Variants in HIVEP1 observed in about 807,000 individuals in gnomAD.
The protein encoded by HIVEP1 is zinc finger protein 40.
HIVEP1 carries 36 observed loss-of-function variants against 180.0 expected under a neutral mutation model. The ratio of observed to expected loss-of-function variants is 0.20; its 90% CI spans 0.15 to 0.26. The LOEUF (loss-of-function observed/expected upper bound fraction) is 0.26, where lower values mean the gene tolerates loss of function less well. Among genes scored for constraint, HIVEP1 ranks in the 10% least tolerant of loss-of-function variants. The pLI, the probability that HIVEP1 is intolerant of heterozygous loss-of-function variation, is 1.00. For missense variants in HIVEP1, 3,143 were observed against 3,268.7 expected (o/e 0.96, Z 0.94); for synonymous variants, 1,239 against 1,239.0 (o/e 1.00, Z 0.00).
intron 2 of HIVEP1, among the ~76,000 whole-genome samples, chr6:12,041,861 G>A (rs546617883): frequency 1.4e-4 from 21 of 151,648 alleles, no homozygotes; most frequent in Admixed American, 2.6e-4. Context: ...GGTTTTCACC[G>A]TGTTAGCTAG....
intron 2 of HIVEP1, among the ~76,000 whole-genome samples, chr6:12,037,209 CT>C (rs1769332906): frequency 6.6e-6 from 1 of 152,108 alleles, no homozygotes; most frequent in Non-Finnish European, 1.5e-5. Flanking sequence ...AGAGGAGTGC[CT>C]CATTTTCACT....
chr6:12,134,238 G>T (rs1247271132), intron 6 of HIVEP1, among the ~76,000 whole-genome samples: 1 of 151,782 alleles, frequency 6.6e-6, no homozygotes, highest in Admixed American at 6.6e-5. Flanking sequence ...ATTTTTTTCA[G>T]TATATTTAAT....
intron 7 of HIVEP1, among the ~76,000 whole-genome samples, chr6:12,142,859 T>C (rs568965239): frequency 3.8e-4 from 58 of 152,118 alleles, no homozygotes; most frequent in Non-Finnish European, 6.8e-4. Flanking sequence ...CTGAATAGAC[T>C]AATAACAGGC....
At chr6:12,155,308 C>T (rs903817017) in intron 7 of HIVEP1, among the ~76,000 whole-genome samples, 5 of 152,122 alleles carry the variant, frequency 3.3e-5, no homozygotes, top group Non-Finnish European at 2.9e-5. Flanking sequence ...GCAGGTTTGT[C>T]GCACAGGTAA....
In HIVEP1 at chr6:12,141,691, C is replaced by CAAAAAAAAAAAAAAAAAA. The variant is rs60419579; in HGVS notation, c.6487+5811_6487+5828dup. Among the ~76,000 whole-genome samples, 9 of 19,238 alleles carry CAAAAAAAAAAAAAAAAAA rather than the reference C, an allele frequency of 4.7e-4. 1 individual carries two copies. The highest frequency in any genetic ancestry group is 1.2e-3 in the Non-Finnish European group (8 of 6,442). The allele number at this position is 19,238 out of a possible 152,430, so 12.6% of individuals were successfully genotyped here. On this transcript the variant is annotated intron_variant, in intron 7 of 8. Transcript: ENST00000379388. ...GAAGATCTACCAAGCAAATGGAAAG[C>CAAAAAAAAAAAAAAAAAA]AAAAAAAAAAAAAAAAAAAAAAAAA...
intron 2 of HIVEP1, chr6:12,020,375 A>G (rs1581506334): frequency 2.1e-6 from 1 of 471,128 alleles, no homozygotes; most frequent in Non-Finnish European, 4.4e-6. Context: ...TTCCGTGGAG[A>G]AGGGTCACTG....
rs368360125 is a variant in HIVEP1 at position 12,061,551 on chromosome 6, A to C, written c.41-27633A>C. On this transcript the variant is annotated intron_variant, in intron 2 of 8. Transcript: ENST00000379388. ...TTTTCTGCATAAAATGTAGAAGAAA[A>C]TCACTTGCATGTTTTGTAGATAAAA... is the stretch of plus-strand genomic sequence containing the variant. Among the ~76,000 whole-genome samples the C allele has an allele frequency of 3.9e-5, 6 of 152,340 alleles. 1 individual carries two copies. Among genetic ancestry groups the C allele is most frequent in the African/African-American group, 1.4e-4 (6 of 41,600 alleles).
At chr6:12,195,565 C>T in the HIVEP1 span, among the ~76,000 whole-genome samples, 1 of 152,168 alleles carries the variant, frequency 6.6e-6, no homozygotes, top group Non-Finnish European at 1.5e-5. Flanking sequence ...TTAACTGGTC[C>T]TATACACATT....
At chr6:12,101,051 C>T (rs956065798) in intron 3 of HIVEP1, among the ~76,000 whole-genome samples, 77 of 152,252 alleles carry the variant, frequency 5.1e-4, no homozygotes, top group African/African-American at 1.8e-3. Flanking sequence ...TACTTTTGTA[C>T]AAACCATACT....
the HIVEP1 span, among the ~76,000 whole-genome samples, chr6:12,205,455 A>C: frequency 6.6e-6 from 1 of 151,008 alleles, no homozygotes; most frequent in Admixed American, 6.6e-5. Flanking sequence ...TGGGTGACAG[A>C]GCAAGACTCC....
chr6:12,060,150 C>G (rs1004997010), intron 2 of HIVEP1, among the ~76,000 whole-genome samples: 1 of 152,186 alleles, frequency 6.6e-6, no homozygotes, highest in African/African-American at 2.4e-5. Flanking sequence ...TTTATAACCA[C>G]TTACAGAATT....
intron 2 of HIVEP1, among the ~76,000 whole-genome samples, chr6:12,055,936 T>C (rs1192463619): frequency 6.6e-6 from 1 of 152,236 alleles, no homozygotes; most frequent in Non-Finnish European, 1.5e-5. Context: ...TTTGGGGAAC[T>C]GTACTATATG....
chr6:12,021,855 G>T (rs1177420811), intron 2 of HIVEP1, among the ~76,000 whole-genome samples: 2 of 152,102 alleles, frequency 1.3e-5, no homozygotes, highest in African/African-American at 4.8e-5. Context: ...AGTAGAGACT[G>T]GGTTTCACCA....
intron 3 of HIVEP1, among the ~76,000 whole-genome samples, chr6:12,090,128 G>A (rs146067287): frequency 6.6e-6 from 1 of 152,266 alleles, no homozygotes; most frequent in African/African-American, 2.4e-5. Context: ...AGAAGAGCAT[G>A]TAGGGATGGT....
At chr6:12,167,581 C>CATGTTATATTACATGTAAATATACAT, downstream of HIVEP1, among the ~76,000 whole-genome samples, 1 of 64,892 alleles carries the variant, frequency 1.5e-5, no homozygotes, top group African/African-American at 1.0e-4. Context: ...GTTATATATA[C>CATGTTATATTACATGTAAATATACAT]GTTATATTAC....
chr6:12,117,591 T>G (rs1775298339), intron 3 of HIVEP1, among the ~76,000 whole-genome samples: 2 of 152,196 alleles, frequency 1.3e-5, no homozygotes, highest in South Asian at 4.1e-4. Context: ...TTCTTTGGAG[T>G]ATAAGACATT....
chr6:12,020,525 C>G lies in HIVEP1; in HGVS notation c.40+4857C>G. On this transcript the variant is annotated intron_variant, in intron 2 of 8. Coordinates refer to ENST00000379388, the MANE Select transcript of HIVEP1 (RefSeq NM_002114.4). The stretch of plus-strand genomic sequence containing the variant: ...CACCTTCTCAGGCCTTCGCTTGGAC[C>G]CTTGAGTAACATGGAATGGAGGAGT... The G allele has an allele frequency of 6.7e-6, 3 of 448,756 alleles. No homozygotes were observed. In the Admixed American group the frequency reaches 7.2e-5, roughly 11 times the overall value. 27.8% of individuals were successfully genotyped at this position (448,756 alleles called of 1,614,324 possible).
intron 2 of HIVEP1, among the ~76,000 whole-genome samples, chr6:12,069,898 T>A (rs962376338): frequency 6.6e-6 from 1 of 152,104 alleles, no homozygotes; most frequent in African/African-American, 2.4e-5. Context: ...TCTTATTCTA[T>A]AAGTTTTTTT....
Position 12,125,543 on chromosome 6 carries a change from A to G in HIVEP1, c.5748A>G (p.Pro1916=), listed in dbSNP as rs755107559. ...KVNIQEQSQQ[P]VTSLSLFNIK... ...ACATCCAAGAGCAAAGTCAACAGCCAGTCACTTCTCTTTCATTGTTTAACA... is the reference window on the plus strand; with the variant it reads ...ACATCCAAGAGCAAAGTCAACAGCCGGTCACTTCTCTTTCATTGTTTAACA... The change falls in exon 4 of 9, where the codon CCA becomes CCG. Residue 1916 remains proline, a synonymous_variant. Transcript: ENST00000379388. The G allele has an allele frequency of 5.6e-6, 9 of 1,614,070 alleles. No homozygotes were observed. The highest frequency in any genetic ancestry group is 1.6e-4 in the Middle Eastern group (1 of 6,084).
Sources: allele counts gnomAD v4.1 joint callset (sites outside exome capture counted in the v4.1 genomes callset), GRCh38; gene constraint gnomAD v4.1.1; transcripts MANE v1.5; gene names NCBI Gene and HGNC (gene_info 2026-07-23, HGNC 2026-07-21).